The following SGCZ variants were observed in gnomAD, a reference collection of about 807,000 sequenced individuals.
SGCZ encodes the protein zeta-sarcoglycan.
Under a neutral mutation model 41.3 loss-of-function variants are expected in SGCZ, and 40 were observed. That is an observed-to-expected ratio of 0.97 (90% CI 0.75 to 1.26). The LOEUF is 1.26. Ranked by LOEUF, SGCZ falls within the 50% of genes most tolerant of loss-of-function variation. The pLI is 0.00. For synonymous variants in SGCZ, 206 were observed against 137.5 expected (o/e 1.50, Z -3.49); for missense variants, 552 against 369.8 (o/e 1.49, Z -4.04).
intron 3 of SGCZ, among the ~76,000 whole-genome samples, chr8:14,241,717 G>T (rs994908981): frequency 1.1e-4 from 17 of 152,188 alleles, no homozygotes; most frequent in African/African-American, 3.8e-4. Context: ...AGACAAAGCA[G>T]ATAGGTGATC....
chr8:14,616,615 T>C (rs1019343695), intron 1 of SGCZ, among the ~76,000 whole-genome samples: 6 of 152,036 alleles, frequency 3.9e-5, no homozygotes. Flanking sequence ...ATAAATAAAC[T>C]TGGTGAGGGA....
intron 1 of SGCZ, among the ~76,000 whole-genome samples, chr8:15,164,849 C>A (rs1799611239): frequency 1.3e-5 from 2 of 152,106 alleles, no homozygotes; most frequent in Admixed American, 6.6e-5. Context: ...AACCCCTTGG[C>A]AACGCTTTGC....
intron 1 of SGCZ, among the ~76,000 whole-genome samples, chr8:15,177,344 A>T (rs2117078216): frequency 6.6e-6 from 1 of 152,332 alleles, no homozygotes; most frequent in African/African-American, 2.4e-5. Flanking sequence ...AGAGGAAACC[A>T]GGCAGCTGGT....
chr8:14,237,665 G>A lies in SGCZ; in HGVS notation c.351C>T (p.Val117=), dbSNP rs1373602242. The A allele has an allele frequency of 1.9e-6, 3 of 1,613,604 alleles. No homozygotes were observed. The highest frequency in any genetic ancestry group is 1.7e-5 in the Admixed American group (1 of 59,974). The change falls in exon 4 of 8, where the codon GTC becomes GTT. Residue 117 remains valine, a synonymous_variant. Transcript: ENST00000382080. Reference sequence around the variant, plus strand: ...CTGTGACATTCCTGTCAGACTGTAAGACCAGCGGACTATCCTGGGAAACAT... The same window carrying A: ...CTGTGACATTCCTGTCAGACTGTAAAACCAGCGGACTATCCTGGGAAACAT... ...EIHSRKDSPL[V]LQSDRNVTVN...
chr8:14,731,236 G>T (rs191544460), intron 1 of SGCZ, among the ~76,000 whole-genome samples: 2,249 of 151,696 alleles, frequency 0.015, 45 homozygotes, highest in Middle Eastern at 0.037. Context: ...TCCTTTGCAG[G>T]GACATGGATG....
intron 1 of SGCZ, among the ~76,000 whole-genome samples, chr8:14,629,861 T>C (rs946194656): frequency 1.3e-5 from 2 of 152,226 alleles, no homozygotes; most frequent in African/African-American, 4.8e-5. Flanking sequence ...CAGCCACATA[T>C]ATCTAGAATG....
intron 4 of SGCZ, among the ~76,000 whole-genome samples, chr8:14,188,675 G>T (rs527922570): frequency 4.5e-4 from 68 of 152,172 alleles, no homozygotes; most frequent in African/African-American, 1.5e-3. Flanking sequence ...CATTTAAATG[G>T]ATGAATTGTA....
chr8:15,219,600 T>G (rs1801523538), intron 1 of SGCZ, among the ~76,000 whole-genome samples: 1 of 152,224 alleles, frequency 6.6e-6, no homozygotes, highest in Admixed American at 6.5e-5. Flanking sequence ...CCATTAATTT[T>G]ATTATTCAAT....
intron 4 of SGCZ, among the ~76,000 whole-genome samples, chr8:14,177,603 G>A (rs1302778375): frequency 2.6e-5 from 4 of 151,930 alleles, no homozygotes; most frequent in African/African-American, 9.7e-5. Flanking sequence ...TCCGCCTCCC[G>A]GGTTCATGCC....
chr8:14,207,581 G>C (rs542482078), intron 4 of SGCZ, among the ~76,000 whole-genome samples: 1 of 151,770 alleles, frequency 6.6e-6, no homozygotes, highest in South Asian at 2.1e-4. Flanking sequence ...TTTTTTTTCA[G>C]TTTACTATGT....
At chr8:14,424,341 A>T (rs952708778) in intron 2 of SGCZ, among the ~76,000 whole-genome samples, 26 of 152,184 alleles carry the variant, frequency 1.7e-4, no homozygotes, top group Admixed American at 1.7e-3. Context: ...GGATTAAAAA[A>T]CACAATATAT....
intron 2 of SGCZ, among the ~76,000 whole-genome samples, chr8:14,338,822 G>A (rs1371732270): frequency 6.6e-6 from 1 of 152,084 alleles, no homozygotes; most frequent in Non-Finnish European, 1.5e-5. Context: ...CTACAAATGT[G>A]TATGTAAGTG....
At chr8:14,326,283 T>C (rs1802112585) in intron 2 of SGCZ, among the ~76,000 whole-genome samples, 1 of 151,750 alleles carries the variant, frequency 6.6e-6, no homozygotes, top group Admixed American at 6.6e-5. Context: ...GTGATCAGTA[T>C]CAGACGAAAG....
chr8:14,582,963 A>G (rs1307141959), intron 1 of SGCZ, among the ~76,000 whole-genome samples: 1 of 151,938 alleles, frequency 6.6e-6, no homozygotes, highest in Non-Finnish European at 1.5e-5. Flanking sequence ...GTGCCGCAAT[A>G]AAAATACGTG....
intron 7 of SGCZ, among the ~76,000 whole-genome samples, chr8:14,092,160 C>T (rs1480974813): frequency 6.6e-6 from 1 of 152,022 alleles, no homozygotes; most frequent in African/African-American, 2.4e-5. Flanking sequence ...GGCCTCTGTT[C>T]TGTTCCATTG....
chr8:14,984,475 T>A (rs1433505020), intron 1 of SGCZ, among the ~76,000 whole-genome samples: 2 of 151,922 alleles, frequency 1.3e-5, no homozygotes, highest in Non-Finnish European at 2.9e-5. Context: ...ATCTATAGAT[T>A]TTTTTTCCTC....
chr8:14,822,726 GAC>G (rs1802148697), intron 1 of SGCZ, among the ~76,000 whole-genome samples: 1 of 151,818 alleles, frequency 6.6e-6, no homozygotes, highest in Non-Finnish European at 1.5e-5. Context: ...TTGGGGATAA[GAC>G]AGTCTCTTCA....
At chr8:14,314,486 A>G (rs1287440380) in intron 3 of SGCZ, among the ~76,000 whole-genome samples, 1 of 152,148 alleles carries the variant, frequency 6.6e-6, no homozygotes, top group African/African-American at 2.4e-5. Context: ...CATAGTATTG[A>G]CTTTTAGGTT....
chr8:14,551,495 AT>A (rs1803826233), intron 2 of SGCZ, among the ~76,000 whole-genome samples: 1 of 1,364 alleles, frequency 7.3e-4, no homozygotes, highest in African/African-American at 1.4e-3. Context: ...TATATTATAT[AT>A]ATTATATATA....
Sources: allele counts gnomAD v4.1 joint callset (sites outside exome capture counted in the v4.1 genomes callset), GRCh38; gene constraint gnomAD v4.1.1; transcripts MANE v1.5; gene names NCBI Gene and HGNC (gene_info 2026-07-23, HGNC 2026-07-21).